CFAP299: variants seen among roughly 807,000 people sequenced by gnomAD.
CFAP299 encodes the protein cilia and flagella associated protein 299.
Under a neutral mutation model 27.0 loss-of-function variants are expected in CFAP299, and 21 were observed. The observed-to-expected ratio is 0.78, with a 90% CI of 0.55 to 1.12. The LOEUF (loss-of-function observed/expected upper bound fraction) is 1.12. Among genes scored for constraint, CFAP299 ranks in the 50% most tolerant of loss-of-function variants. CFAP299 has a pLI of 0.00. For missense variants in CFAP299, 310 were observed against 276.6 expected (o/e 1.12, Z -0.86); for synonymous variants, 104 against 98.1 (o/e 1.06, Z -0.36).
chr4:80,824,000 C>T (rs977293253), intron 3 of CFAP299, among the ~76,000 whole-genome samples: 1 of 151,640 alleles, frequency 6.6e-6, no homozygotes, highest in Non-Finnish European at 1.5e-5. Context: ...TTTTCATTCC[C>T]ATAAAACTTT....
intron 4 of CFAP299, among the ~76,000 whole-genome samples, chr4:80,884,912 C>T (rs1733899912): frequency 6.6e-6 from 1 of 152,128 alleles, no homozygotes; most frequent in Non-Finnish European, 1.5e-5. Flanking sequence ...GATAAGCAAT[C>T]GCAGTATGTG....
At chr4:80,542,824 C>T (rs1202667263) in intron 2 of CFAP299, among the ~76,000 whole-genome samples, 1 of 152,082 alleles carries the variant, frequency 6.6e-6, no homozygotes, top group Admixed American at 6.5e-5. Context: ...TGCGTGTGAC[C>T]CTGCTGCTGC....
At chr4:80,350,568 C>T (rs376953026) in intron 1 of CFAP299, among the ~76,000 whole-genome samples, 1 of 152,018 alleles carries the variant, frequency 6.6e-6, no homozygotes, top group African/African-American at 2.4e-5. Flanking sequence ...ATAAAGAAAA[C>T]GTAGCACATA....
intron 2 of CFAP299, among the ~76,000 whole-genome samples, chr4:80,389,558 A>C (rs571052261): frequency 1.3e-5 from 2 of 152,320 alleles, no homozygotes; most frequent in African/African-American, 4.8e-5. Context: ...AAAATTGAAT[A>C]TATTTTGTTT....
At chr4:80,353,302 T>G (rs1225719546) in intron 1 of CFAP299, among the ~76,000 whole-genome samples, 1 of 152,128 alleles carries the variant, frequency 6.6e-6, no homozygotes, top group Non-Finnish European at 1.5e-5. Flanking sequence ...ACCATCCAAC[T>G]CCAGAGCTGC....
At chr4:80,875,166 A>G (rs1046091105) in intron 4 of CFAP299, among the ~76,000 whole-genome samples, 1 of 152,120 alleles carries the variant, frequency 6.6e-6, no homozygotes, top group East Asian at 1.9e-4. Context: ...TCTCACCCCA[A>G]TCTTTAGAAC....
At chr4:80,520,901 A>AT in intron 2 of CFAP299, among the ~76,000 whole-genome samples, 1 of 152,324 alleles carries the variant, frequency 6.6e-6, no homozygotes, top group South Asian at 2.1e-4. Context: ...AATACAAGGG[A>AT]TAAAAAATAG....
At chr4:80,621,804 G>A (rs1278003517) in intron 3 of CFAP299, among the ~76,000 whole-genome samples, 2 of 152,158 alleles carry the variant, frequency 1.3e-5, no homozygotes, top group African/African-American at 4.8e-5. Context: ...CATTCAGAAA[G>A]AAAGATATTT....
intron 1 of CFAP299, among the ~76,000 whole-genome samples, chr4:80,350,628 T>G (rs1722968910): frequency 6.6e-6 from 1 of 152,220 alleles, no homozygotes; most frequent in Non-Finnish European, 1.5e-5. Context: ...TTCATGTCCT[T>G]TGCAGGGACA....
chr4:80,717,720 A>G (rs1238280597), intron 3 of CFAP299, among the ~76,000 whole-genome samples: 1 of 152,202 alleles, frequency 6.6e-6, no homozygotes. Context: ...TTCTAATTTT[A>G]TCAACAACCC....
chr4:80,909,974 C>A (rs1005610182), intron 4 of CFAP299, among the ~76,000 whole-genome samples: 1 of 152,052 alleles, frequency 6.6e-6, no homozygotes, highest in African/African-American at 2.4e-5. Context: ...CTTGAATTAA[C>A]TCATGCTTTA....
intron 2 of CFAP299, among the ~76,000 whole-genome samples, chr4:80,557,016 ATCTG>A (rs1734816333): frequency 1.3e-5 from 2 of 152,110 alleles, no homozygotes; most frequent in South Asian, 2.1e-4. Context: ...TTATAAACAA[ATCTG>A]TCTAATTTTA....
At chr4:80,448,015 C>T (rs191676016) in intron 2 of CFAP299, among the ~76,000 whole-genome samples, 1 of 152,318 alleles carries the variant, frequency 6.6e-6, no homozygotes, top group East Asian at 1.9e-4. Flanking sequence ...TTGGCACTCC[C>T]ACCACCATGT....
chr4:80,370,553 A>C (rs1386685797), intron 2 of CFAP299, among the ~76,000 whole-genome samples: 1 of 152,266 alleles, frequency 6.6e-6, no homozygotes. Context: ...GGGGATAGGC[A>C]TTAGGTAAGT....
chr4:80,562,351 A>C (rs1171859765), intron 2 of CFAP299, among the ~76,000 whole-genome samples: 2 of 152,134 alleles, frequency 1.3e-5, no homozygotes, highest in Non-Finnish European at 2.9e-5. Flanking sequence ...TAATCCCAGC[A>C]CTTTGGGAGG....
chr4:80,599,303 A>G (rs892495662), intron 3 of CFAP299, among the ~76,000 whole-genome samples: 10 of 152,168 alleles, frequency 6.6e-5, no homozygotes, highest in African/African-American at 2.4e-4. Flanking sequence ...TTATGAAATT[A>G]CATCCTGTGA....
At chr4:80,456,637 T>C (rs1000562209) in intron 2 of CFAP299, among the ~76,000 whole-genome samples, 6 of 152,238 alleles carry the variant, frequency 3.9e-5, no homozygotes, top group East Asian at 1.9e-4. Flanking sequence ...ACATGGAGGA[T>C]TGGAATCTGG....
At chr4:80,787,971 GTTCTCAA>G (rs1727340615) in intron 3 of CFAP299, among the ~76,000 whole-genome samples, 1 of 151,852 alleles carries the variant, frequency 6.6e-6, no homozygotes, top group South Asian at 2.1e-4. Flanking sequence ...TAAGCTACCG[GTTCTCAA>G]ACTTCAGTGT....
chr4:80,840,917 G>A (rs1278940282), intron 3 of CFAP299, among the ~76,000 whole-genome samples: 1 of 152,014 alleles, frequency 6.6e-6, no homozygotes, highest in East Asian at 1.9e-4. Context: ...GCTTAAGTTA[G>A]TTATCTCTAA....
Sources: gnomAD v4.1 joint callset for allele counts (sites outside exome capture counted in the v4.1 genomes callset) on GRCh38, gnomAD v4.1.1 for gene constraint, MANE v1.5 for transcripts, NCBI Gene and HGNC (gene_info 2026-07-23, HGNC 2026-07-21) for gene names.